Variants in SMU1 observed in about 807,000 individuals in gnomAD.
The protein encoded by SMU1 is SMU1 DNA replication regulator and spliceosomal factor, also known as WD40 repeat-containing protein SMU1.
SMU1 carries 2 observed loss-of-function variants against 62.0 expected under a neutral mutation model. That is an observed-to-expected ratio of 0.03 (90% CI 0.01 to 0.10). The LOEUF is 0.10. SMU1 is among the 10% of genes least tolerant of loss of function. The pLI is 1.00. For missense variants in SMU1, 227 were observed against 622.1 expected, an observed-to-expected ratio of 0.36 and a Z score of 6.76; for synonymous variants, 188 against 212.4, an observed-to-expected ratio of 0.89 and a Z score of 1.00.
intron 7 of SMU1, 125 bp from the exon 8 acceptor site, chr9:33,057,089 A>G: frequency 1.1e-6 from 1 of 892,246 alleles, no homozygotes; most frequent in Non-Finnish European, 1.7e-6. Flanking sequence ...AATGCACGCT[A>G]ATAGCTGAAT....
intron 4 of SMU1, among the ~76,000 whole-genome samples, chr9:33,068,409 T>C (rs112269534): frequency 1.3e-5 from 2 of 152,176 alleles, no homozygotes; most frequent in African/African-American, 4.8e-5. Flanking sequence ...AATAAGCAAC[T>C]CTGTAGGTAG....
At chr9:33,069,539 G>A (rs1001548501) in intron 3 of SMU1, among the ~76,000 whole-genome samples, 3 of 152,152 alleles carry the variant, frequency 2.0e-5, no homozygotes, top group Admixed American at 6.5e-5. Flanking sequence ...GGTGGCTCAC[G>A]CCTGTAATCC....
chr9:33,058,533 C>T (rs1391044865), intron 6 of SMU1, among the ~76,000 whole-genome samples: 1 of 152,100 alleles, frequency 6.6e-6, no homozygotes, highest in African/African-American at 2.4e-5. Flanking sequence ...GCCAGGCCGG[C>T]CTTGAACTCC....
intron 4 of SMU1, among the ~76,000 whole-genome samples, chr9:33,068,485 A>T (rs866355739): frequency 6.6e-6 from 1 of 152,070 alleles, no homozygotes; most frequent in Non-Finnish European, 1.5e-5. Flanking sequence ...AAATTAGGAA[A>T]TTGTACCAGG....
intron 3 of SMU1, 70 bp from the exon 4 acceptor site, chr9:33,069,004 C>A: frequency 6.5e-7 from 1 of 1,549,752 alleles, no homozygotes; most frequent in Admixed American, 1.9e-5. Flanking sequence ...TTATTTAAAA[C>A]AAACAAGCAG....
At chr9:33,075,615 T>C (rs1270251663) in intron 1 of SMU1, among the ~76,000 whole-genome samples, 1 of 152,150 alleles carries the variant, frequency 6.6e-6, no homozygotes. Context: ...CAGAAATGAA[T>C]ACATAAAGAG....
chr9:33,047,966 C>A, intron 11 of SMU1, 140 bp downstream of exon 11: 1 of 656,726 alleles, frequency 1.5e-6, no homozygotes, highest in Admixed American at 3.2e-5. Context: ...TTGAATTTGA[C>A]ATGGAGCTAA....
Position 33,042,418 on chromosome 9 carries a change from C to T in SMU1, c.*4875G>A, listed in dbSNP as rs759816665. ...ACCAAGGTCATCATCCACAAAAATA[C>T]AAGTTCCAGCACTAACTCTGCTTTC... On this transcript the variant is annotated 3_prime_UTR_variant, in exon 12 of 12. Transcript: ENST00000397149. 1.3e-5 allele frequency: 2 copies of T among 152,632 alleles called. No homozygotes were observed. Among genetic ancestry groups the T allele is most frequent in the Non-Finnish European group, 2.9e-5 (2 of 68,064 alleles). 9.5% of individuals were successfully genotyped at this position (152,632 alleles called of 1,614,324 possible).
chr9:33,065,491 A>C (rs1327806541), intron 4 of SMU1, among the ~76,000 whole-genome samples: 1 of 152,246 alleles, frequency 6.6e-6, no homozygotes, highest in East Asian at 1.9e-4. Context: ...ATGGGAGAAC[A>C]GCAAGAAAAA....
intron 10 of SMU1, among the ~76,000 whole-genome samples, chr9:33,050,320 T>C (rs987998324): frequency 6.6e-6 from 1 of 152,128 alleles, no homozygotes; most frequent in Non-Finnish European, 1.5e-5. Flanking sequence ...TTTGGAACAG[T>C]TTGATAGTTT....
chr9:33,042,074 CAT>C lies in SMU1; in HGVS notation c.*5217_*5218del, dbSNP rs1323816002. 1 of 152,496 alleles carries C rather than the reference CAT, an allele frequency of 6.6e-6. No homozygotes were observed. Among genetic ancestry groups the C allele is most frequent in the Non-Finnish European group, 1.5e-5 (1 of 68,026 alleles). 9.4% of individuals were successfully genotyped at this position (152,496 alleles called of 1,614,324 possible). On this transcript the variant is annotated 3_prime_UTR_variant, in exon 12 of 12. Coordinates refer to ENST00000397149, the MANE Select transcript of SMU1 (RefSeq NM_018225.3). Reference sequence around the variant, plus strand: ...CACAATTGTTTAGGAAAATTTGTTACATGTTTTACAATTAAAAATCCTAAGAA... The same window carrying C: ...CACAATTGTTTAGGAAAATTTGTTACGTTTTACAATTAAAAATCCTAAGAA...
At position 33,066,244 on chromosome 9, in the gene SMU1, T is replaced by C. The variant is rs564621617; in HGVS notation, c.501+2580A>G. 2.2e-4 allele frequency among the ~76,000 whole-genome samples: 34 copies of C among 151,444 alleles called. 1 individual carries two copies. The highest frequency in any genetic ancestry group is 2.1e-3 in the South Asian group (10 of 4,764). On this transcript the variant is annotated intron_variant, in intron 4 of 11. Transcript: ENST00000397149. ...GGAAAACTCAGAGAAAAAGAAAAAATAGGAATACAGGGACAATGCAGGAAG... is the reference window on the plus strand; with the variant it reads ...GGAAAACTCAGAGAAAAAGAAAAAACAGGAATACAGGGACAATGCAGGAAG...
intron 7 of SMU1, among the ~76,000 whole-genome samples, chr9:33,057,294 TAA>T (rs543257338): frequency 1.3e-5 from 2 of 151,220 alleles, no homozygotes; most frequent in East Asian, 1.9e-4. Flanking sequence ...ACCATCCCCT[TAA>T]AAAAAAAGTT....
At position 33,076,360 on chromosome 9, in the gene SMU1, A is replaced by C. The variant is rs185965721; in HGVS notation, c.26+223T>G. ...TAGGTCTGCAAGGTGTGTTTTCCCCACCCGTGCCACCTCCCTCGAGGTTTT... is the reference window on the plus strand; with the variant it reads ...TAGGTCTGCAAGGTGTGTTTTCCCCCCCCGTGCCACCTCCCTCGAGGTTTT... On this transcript the variant is annotated intron_variant, in intron 1 of 11. Transcript: ENST00000397149. Among the ~76,000 whole-genome samples the C allele has an allele frequency of 7.1e-3, 1,087 of 152,118 alleles. 18 individuals carry two copies. The highest frequency in any genetic ancestry group is 0.025 in the African/African-American group (1,022 of 41,478).
chr9:33,060,358 T>C (rs1160491487), intron 6 of SMU1, 107 bp downstream of exon 6: 4 of 980,734 alleles, frequency 4.1e-6, no homozygotes, highest in Non-Finnish European at 6.0e-6. Context: ...TACATGTTCA[T>C]TACATACAGA....
rs190696273 is a variant in SMU1 at position 33,071,921 on chromosome 9, C to A, written c.238-29G>T. On this transcript the variant is annotated intron_variant, in intron 2 of 11. Transcript: ENST00000397149. ...GACAATTAAAAAAAAACAAAAAAAA[C>A]CCCAGATGTTTCAACACACCGTCTT... is the stretch of plus-strand genomic sequence containing the variant. 2.0e-3 allele frequency: 2,957 copies of A among 1,491,136 alleles called. 20 individuals carry two copies. The highest frequency in any genetic ancestry group is 0.019 in the African/African-American group (1,298 of 68,854). 92.4% of individuals were successfully genotyped at this position (1,491,136 alleles called of 1,614,324 possible). A position where few individuals can be genotyped will look rare whatever the true frequency, so the allele number is the denominator to read the frequency against.
chr9:33,057,022 T>C, intron 7 of SMU1, 58 bp from the exon 8 acceptor site: 2 of 1,565,032 alleles, frequency 1.3e-6, no homozygotes, highest in Non-Finnish European at 8.6e-7. Flanking sequence ...CTACTATTAA[T>C]AGCCCACAGA....
At chr9:33,059,887 C>A (rs1165036448) in intron 6 of SMU1, among the ~76,000 whole-genome samples, 1 of 151,910 alleles carries the variant, frequency 6.6e-6, no homozygotes, top group Non-Finnish European at 1.5e-5. Context: ...GCTGGGATTA[C>A]AGGCCTGAGC....
chr9:33,075,774 C>T (rs902976566), intron 1 of SMU1, among the ~76,000 whole-genome samples: 1 of 152,224 alleles, frequency 6.6e-6, no homozygotes, highest in Non-Finnish European at 1.5e-5. Flanking sequence ...CTCCCTTACA[C>T]TCAGACACAA....
Sources: allele counts gnomAD v4.1 joint callset (sites outside exome capture counted in the v4.1 genomes callset), GRCh38; gene constraint gnomAD v4.1.1; transcripts MANE v1.5; gene names NCBI Gene and HGNC (gene_info 2026-07-23, HGNC 2026-07-21).